The following SCP2 variants were observed in gnomAD, a reference collection of about 807,000 sequenced individuals.
The protein encoded by SCP2 is sterol carrier protein 2.
In SCP2, 48 loss-of-function variants were observed where a neutral mutation model predicts 71.4. That is an observed-to-expected ratio of 0.67 (90% confidence interval 0.53 to 0.86). The LOEUF (loss-of-function observed/expected upper bound fraction) is 0.86, where lower values mean the gene tolerates loss of function less well. Ranked by LOEUF, SCP2 falls within the 40% of genes least tolerant of loss-of-function variation. The pLI is 0.00. For synonymous variants in SCP2, 220 were observed against 218.1 expected, an observed-to-expected ratio of 1.01 and a Z score of -0.08; for missense variants, 560 against 655.6, an observed-to-expected ratio of 0.85 and a Z score of 1.59.
intron 12 of SCP2, among the ~76,000 whole-genome samples, chr1:53,016,017 A>G (rs1334950960): frequency 6.6e-6 from 1 of 151,792 alleles, no homozygotes; most frequent in Non-Finnish European, 1.5e-5. Flanking sequence ...TGTTTCTCCA[A>G]CAAAGGATAT....
intron 2 of SCP2, among the ~76,000 whole-genome samples, chr1:52,942,773 C>T (rs1392312926): frequency 1.5e-5 from 2 of 134,448 alleles, no homozygotes; most frequent in Non-Finnish European, 3.1e-5. Context: ...GATCTCAGTT[C>T]ACTGCAACCT....
In SCP2 at chr1:52,961,601, T is replaced by C; in HGVS notation, c.495T>C (p.Tyr165=). 6.2e-7 allele frequency: 1 copy of C among 1,613,930 alleles called. No homozygotes were observed. The highest frequency in any genetic ancestry group is 8.5e-7 in the Non-Finnish European group (1 of 1,179,886). The change falls in exon 6 of 16, where the codon TAT becomes TAC. Residue 165 remains tyrosine (Y), a synonymous_variant. Coordinates refer to ENST00000371514, the MANE Select transcript of SCP2 (RefSeq NM_002979.5). ...AHPVAPQMFG[Y]AGKEHMEKYG... ...CAGTTGCTCCTCAGATGTTTGGGTATGCTGGAAAAGAACATATGGAAAAAT... is the reference window on the plus strand; with the variant it reads ...CAGTTGCTCCTCAGATGTTTGGGTACGCTGGAAAAGAACATATGGAAAAAT...
intron 11 of SCP2, among the ~76,000 whole-genome samples, chr1:53,003,469 G>T (rs1286744461): frequency 2.0e-5 from 3 of 152,106 alleles, no homozygotes; most frequent in African/African-American, 7.2e-5. Context: ...ATCTGCCCAT[G>T]TTGGCTTTCC....
chr1:53,026,489 G>A (rs761440997), intron 12 of SCP2, among the ~76,000 whole-genome samples: 52 of 152,260 alleles, frequency 3.4e-4, no homozygotes, highest in Non-Finnish European at 6.5e-4. Context: ...GTCTTGCTTG[G>A]CATGTAGCAA....
At chr1:53,044,036 T>C (rs975550130) in intron 14 of SCP2, among the ~76,000 whole-genome samples, 4 of 152,154 alleles carry the variant, frequency 2.6e-5, no homozygotes, top group African/African-American at 9.7e-5. Flanking sequence ...ACTATAGGCA[T>C]ACTATGCTTT....
chr1:52,993,994 T>G (rs1031965638), intron 11 of SCP2: 33 of 1,240,518 alleles, frequency 2.7e-5, no homozygotes, highest in Non-Finnish European at 2.8e-5. Context: ...GTTCTTTAAT[T>G]TGTAAAGAAA....
intron 11 of SCP2, among the ~76,000 whole-genome samples, chr1:52,990,594 C>T (rs1206307945): frequency 5.9e-5 from 9 of 151,774 alleles, no homozygotes; most frequent in East Asian, 5.8e-4. Context: ...GTTAGCCAGG[C>T]GTGGTGGCGG....
intron 1 of SCP2, among the ~76,000 whole-genome samples, chr1:52,936,572 A>T (rs1653762712): frequency 6.6e-6 from 1 of 152,268 alleles, no homozygotes; most frequent in Admixed American, 6.5e-5. Context: ...AGACTCTGGG[A>T]AACTGTAGGT....
intron 6 of SCP2, among the ~76,000 whole-genome samples, chr1:52,962,956 G>A (rs1230841889): frequency 6.6e-6 from 1 of 150,470 alleles, no homozygotes; most frequent in Admixed American, 6.6e-5. Flanking sequence ...CAGAATATAA[G>A]TTCAACAAAA....
intron 11 of SCP2, chr1:52,994,267 G>A: frequency 1.0e-6 from 1 of 1,000,822 alleles, no homozygotes; most frequent in Non-Finnish European, 1.2e-6. Flanking sequence ...TGTGTGTAAA[G>A]AAGTGACTTA....
intron 1 of SCP2, 71 bp downstream of exon 1, chr1:52,927,536 T>C: frequency 1.7e-6 from 2 of 1,171,458 alleles, no homozygotes; most frequent in South Asian, 1.3e-5. Flanking sequence ...TCTCTGTCCC[T>C]CCGGTCTCCT....
intron 6 of SCP2, among the ~76,000 whole-genome samples, chr1:52,967,226 G>C (rs1322546385): frequency 6.6e-6 from 1 of 151,840 alleles, no homozygotes; most frequent in Non-Finnish European, 1.5e-5. Flanking sequence ...TTAATGCTCT[G>C]AAACAATTTA....
chr1:53,002,656 G>A (rs1660392376), intron 11 of SCP2, among the ~76,000 whole-genome samples: 1 of 152,188 alleles, frequency 6.6e-6, no homozygotes, highest in Non-Finnish European at 1.5e-5. Flanking sequence ...CTGATCTCCT[G>A]TGCGAAGTAA....
At chr1:52,970,959 G>A (rs1447672882) in intron 6 of SCP2, among the ~76,000 whole-genome samples, 1 of 144,512 alleles carries the variant, frequency 6.9e-6, no homozygotes, top group East Asian at 2.0e-4. Flanking sequence ...AGGCTATAGA[G>A]AGACACAGAT....
At chr1:52,961,738 G>A (rs1656469367) in intron 6 of SCP2, 109 bp downstream of exon 6, 1 of 996,120 alleles carries the variant, frequency 1.0e-6, no homozygotes, top group African/African-American at 1.6e-5. Flanking sequence ...TATATAAGAT[G>A]TAAAATGTTT....
intron 13 of SCP2, among the ~76,000 whole-genome samples, chr1:53,037,526 A>G (rs975669332): frequency 1.3e-5 from 2 of 152,116 alleles, no homozygotes; most frequent in African/African-American, 4.8e-5. Context: ...AGGGAAAAAA[A>G]AGAGGACGGG....
chr1:52,973,344 T>C (rs1657662445), intron 6 of SCP2, among the ~76,000 whole-genome samples: 2 of 119,626 alleles, frequency 1.7e-5, no homozygotes, highest in South Asian at 2.7e-4. Flanking sequence ...AGAAGAACCC[T>C]CTTTTTTTTT....
In SCP2 at chr1:52,978,221, A is replaced by T. The variant is rs774854885; in HGVS notation, c.679A>T (p.Thr227Ser). ...DFLTILQCCP[T>S]SDGAAAAILA... ...ATTATTTTTACTTCCTCTTAGTCCC[A>T]CTTCAGATGGTGCTGCAGCAGCAAT... The change falls in exon 9 of 16, where the codon ACT becomes TCT. Residue 227 changes from threonine to serine, a missense_variant. Around this residue, in one of 3 missense-constraint regions of SCP2, gnomAD observed 513 missense variants for 573.1 expected, o/e 0.90. Coordinates refer to ENST00000371514, the MANE Select transcript of SCP2 (RefSeq NM_002979.5). 2.5e-6 allele frequency: 4 copies of T among 1,613,544 alleles called. No homozygotes were observed. In the South Asian group the frequency reaches 4.4e-5, roughly 18 times the overall value.
intron 11 of SCP2, among the ~76,000 whole-genome samples, chr1:53,008,887 T>G (rs1249661302): frequency 6.6e-6 from 1 of 152,218 alleles, no homozygotes; most frequent in Non-Finnish European, 1.5e-5. Flanking sequence ...AACCCCATCG[T>G]CTTAGCCCAA....
Sources: allele counts gnomAD v4.1 joint callset (sites outside exome capture counted in the v4.1 genomes callset), GRCh38; gene constraint gnomAD v4.1.1; regional missense constraint gnomAD v4.1.1; transcripts MANE v1.5; gene names NCBI Gene and HGNC (gene_info 2026-07-23, HGNC 2026-07-21).